The following SCUBE3 variants were observed in gnomAD, a reference collection of about 807,000 sequenced individuals.
SCUBE3 encodes the protein signal peptide, CUB domain and EGF like domain containing 3.
Under a neutral mutation model 116.8 loss-of-function variants are expected in SCUBE3, and 33 were observed. That is an observed-to-expected ratio of 0.28 (90% CI 0.21 to 0.38). The LOEUF (loss-of-function observed/expected upper bound fraction) is 0.38, where lower values mean the gene tolerates loss of function less well. Among genes scored for constraint, SCUBE3 ranks in the 10% least tolerant of loss-of-function variants. The probability of loss-of-function intolerance (pLI) is 1.00; values close to 1 mark genes in which losing one functional copy is unlikely to be tolerated. For missense variants in SCUBE3, 1,007 were observed against 1,324.8 expected (o/e 0.76, Z 3.72); for synonymous variants, 418 against 496.9 (o/e 0.84, Z 2.11).
Position 35,235,478 on chromosome 6 carries a change from C to T in SCUBE3, c.712+2177C>T. ...GCGGCTAGAGCAGCACATCCCCACT[C>T]AAGCCGTTTCTAATGGTAAATATGT... is the stretch of plus-strand genomic sequence containing the variant. On this transcript the variant is annotated intron_variant, in intron 6 of 21. Coordinates refer to ENST00000274938, the MANE Select transcript of SCUBE3 (RefSeq NM_152753.4). The surrounding 1 kb of genome is among the most constrained non-coding windows in gnomAD (Gnocchi z 4.5). 1.6e-6 allele frequency: 2 copies of T among 1,287,162 alleles called. No individual in the cohort carries two copies. Among genetic ancestry groups the T allele is most frequent in the Non-Finnish European group, 2.0e-6 (2 of 986,480 alleles). 79.7% of individuals were successfully genotyped at this position (1,287,162 alleles called of 1,614,324 possible).
In SCUBE3 at chr6:35,248,945, G is replaced by A. The variant is rs1031593773; in HGVS notation, c.*240G>A. 18 of 532,706 alleles carry A rather than the reference G, an allele frequency of 3.4e-5. 1 individual carries two copies. Among genetic ancestry groups the A allele is most frequent in the Non-Finnish European group, 6.0e-5 (18 of 299,962 alleles). 33.0% of individuals were successfully genotyped at this position (532,706 alleles called of 1,614,324 possible). The stretch of plus-strand genomic sequence containing the variant: ...ACACACTACCTAGAAAAGCCATTCA[G>A]TACTGGCTCTAGTCCCCGTGAGATG... On this transcript the variant is annotated 3_prime_UTR_variant, in exon 22 of 22. Coordinates refer to ENST00000274938, the MANE Select transcript of SCUBE3 (RefSeq NM_152753.4).
rs1257243507 is a variant in SCUBE3, at chr6:35,245,434, C to T, written c.2599+9C>T. 1 of 1,612,490 alleles carries T rather than the reference C, an allele frequency of 6.2e-7. No individual in the cohort carries two copies. The highest frequency in any genetic ancestry group is 1.3e-5 in the African/African-American group (1 of 74,858). ...CGTCATGAGAAAGAACTGTGGGTGG[C>T]TTGCAGAGCTGGGCCAGGGAAGGGC... is the stretch of plus-strand genomic sequence containing the variant. On this transcript the variant is annotated intron_variant, in intron 19 of 21. Coordinates refer to ENST00000274938, the MANE Select transcript of SCUBE3 (RefSeq NM_152753.4). This position sits in a 1 kb window ranked among gnomAD's most constrained non-coding sequence, Gnocchi z 4.2.
Position 35,241,053 on chromosome 6 carries a change from C to CT in SCUBE3, c.1070-87dup. On this transcript the variant is annotated intron_variant, in intron 9 of 21. Coordinates refer to ENST00000274938, the MANE Select transcript of SCUBE3 (RefSeq NM_152753.4). The surrounding 1 kb of genome is among the most constrained non-coding windows in gnomAD (Gnocchi z 4.1). ...TGCGTAATGCAGGGTACCTGAAACT[C>CT]TAACCAAAGGCCCTCACTCACTGCC... 1 of 1,344,226 alleles carries CT rather than the reference C, an allele frequency of 7.4e-7. No individual in the cohort carries two copies. Among genetic ancestry groups the CT allele is most frequent in the Non-Finnish European group, 1.0e-6 (1 of 972,518 alleles). 83.3% of individuals were successfully genotyped at this position (1,344,226 alleles called of 1,614,324 possible). A position where few individuals can be genotyped will look rare whatever the true frequency, so the allele number is the denominator to read the frequency against.
rs558108069 is a variant in SCUBE3 at position 35,230,500 on chromosome 6, G to T, written c.335-1225G>T. On this transcript the variant is annotated intron_variant, in intron 3 of 21. Transcript: ENST00000274938. ...CTCTGGGCCTTAGCTTCCCCACTGA[G>T]AATTGGAGGAAAGAGCTTGGCTAGA... is the stretch of plus-strand genomic sequence containing the variant. Among the ~76,000 whole-genome samples the T allele has an allele frequency of 7.4e-4, 113 of 152,316 alleles. 2 individuals carry two copies. Among genetic ancestry groups the T allele is most frequent in the Non-Finnish European group, 1.2e-3 (84 of 68,034 alleles).
intron 12 of SCUBE3, 94 bp downstream of exon 12, chr6:35,242,004 C>G: frequency 1.0e-6 from 1 of 987,976 alleles, no homozygotes. Flanking sequence ...TTCCTTTCTC[C>G]TGGATCCTCT....
In SCUBE3 at chr6:35,243,358, C is replaced by T; in HGVS notation, c.1909+122C>T. The stretch of plus-strand genomic sequence containing the variant: ...TTATGAGGCAGCCAGGATGCTCCTG[C>T]CCGCTGTCCTCCCTTCCTTGGTTCC... On this transcript the variant is annotated intron_variant, in intron 15 of 21. Transcript: ENST00000274938. The surrounding 1 kb of genome is among the most constrained non-coding windows in gnomAD (Gnocchi z 6.6). 1.1e-6 allele frequency: 1 copy of T among 922,270 alleles called. No individual in the cohort carries two copies. 57.1% of individuals were successfully genotyped at this position (922,270 alleles called of 1,614,324 possible).
intron 3 of SCUBE3, among the ~76,000 whole-genome samples, chr6:35,229,619 A>G (rs942817905): frequency 6.6e-6 from 1 of 152,120 alleles, no homozygotes; most frequent in Admixed American, 6.5e-5. Context: ...TTCTTCCTGC[A>G]ATCTCCAGTC....
At chr6:35,215,429 T>TC (rs1782846798) in intron 1 of SCUBE3, among the ~76,000 whole-genome samples, 1 of 151,918 alleles carries the variant, frequency 6.6e-6, no homozygotes, top group Non-Finnish European at 1.5e-5. Context: ...GCTGTACCCC[T>TC]CCCCCATCGT....
Position 35,244,232 on chromosome 6 carries a change from A to G in SCUBE3, c.2239+102A>G. 1 of 1,041,774 alleles carries G rather than the reference A, an allele frequency of 9.6e-7. No homozygotes were observed. Among genetic ancestry groups the G allele is most frequent in the East Asian group, 2.6e-5 (1 of 38,362 alleles). The allele number at this position is 1,041,774 out of a possible 1,614,324, so 64.5% of individuals were successfully genotyped here. On this transcript the variant is annotated intron_variant, in intron 17 of 21. Coordinates refer to ENST00000274938, the MANE Select transcript of SCUBE3 (RefSeq NM_152753.4). The surrounding 1 kb of genome is among the most constrained non-coding windows in gnomAD (Gnocchi z 4.3). The stretch of plus-strand genomic sequence containing the variant: ...GGACACTGACCCACCATTTTCTCCA[A>G]ACCAGTAATGGGCCCAGCTACTTGA...
At position 35,243,268 on chromosome 6, in the gene SCUBE3, G is replaced by C. The variant is rs1487451534; in HGVS notation, c.1909+32G>C. The C allele has an allele frequency of 1.3e-6, 2 of 1,582,182 alleles. No individual in the cohort carries two copies. Among genetic ancestry groups the C allele is most frequent in the African/African-American group, 1.3e-5 (1 of 74,402 alleles). On this transcript the variant is annotated intron_variant, in intron 15 of 21. Transcript: ENST00000274938. This position sits in a 1 kb window ranked among gnomAD's most constrained non-coding sequence, Gnocchi z 6.6. ...GAGCTTACTGGGGAGCAGGGATGTA[G>C]GAAAGACCCAGTTTGGGCCTGACTC...
Position 35,214,611 on chromosome 6 carries a change from C to T in SCUBE3, c.85+108C>T, listed in dbSNP as rs1292032692. 1.4e-4 allele frequency: 90 copies of T among 639,000 alleles called. 1 individual carries two copies. The East Asian group carries it at 3.1e-3, about 22-fold the overall frequency. 39.6% of individuals were successfully genotyped at this position (639,000 alleles called of 1,614,324 possible). Reference sequence around the variant, plus strand: ...CAGGTGCTGGGGAGCGTGCTGCTGTCAGAACCCGGCTCTGTGCACCCGGAC... The same window carrying T: ...CAGGTGCTGGGGAGCGTGCTGCTGTTAGAACCCGGCTCTGTGCACCCGGAC... On this transcript the variant is annotated intron_variant, in intron 1 of 21. Transcript: ENST00000274938. The surrounding 1 kb of genome is among the most constrained non-coding windows in gnomAD (Gnocchi z 6.3).
At position 35,244,881 on chromosome 6, in the gene SCUBE3, G is replaced by A. The variant is rs1784263111; in HGVS notation, c.2401+70G>A. 2 of 1,490,310 alleles carry A rather than the reference G, an allele frequency of 1.3e-6. No homozygotes were observed. The highest frequency in any genetic ancestry group is 1.9e-6 in the Non-Finnish European group (2 of 1,074,710). 92.3% of individuals were successfully genotyped at this position (1,490,310 alleles called of 1,614,324 possible). ...GGAGCAGTGGACATCTAAAGGAGGG[G>A]TGTGAAACCAACAGGGAGCAGGGCT... On this transcript the variant is annotated intron_variant, in intron 18 of 21. Transcript: ENST00000274938. This position sits in a 1 kb window ranked among gnomAD's most constrained non-coding sequence, Gnocchi z 4.3.
At position 35,245,018 on chromosome 6, in the gene SCUBE3, T is replaced by C. The variant is rs1184677130; in HGVS notation, c.2401+207T>C. 6.6e-6 allele frequency among the ~76,000 whole-genome samples: 1 copy of C among 151,998 alleles called. No homozygotes were observed. The highest frequency in any genetic ancestry group is 1.5e-5 in the Non-Finnish European group (1 of 67,980). On this transcript the variant is annotated intron_variant, in intron 18 of 21. Transcript: ENST00000274938. This position sits in a 1 kb window ranked among gnomAD's most constrained non-coding sequence, Gnocchi z 4.2. ...ACACCCTCTCCCTGGAGACAGTTAA[T>C]GAGGAAGCAGAGACAGGTGAAGTGA...
At chr6:35,236,606 A>C (rs1783784874) in intron 6 of SCUBE3, among the ~76,000 whole-genome samples, 1 of 152,186 alleles carries the variant, frequency 6.6e-6, no homozygotes, top group Non-Finnish European at 1.5e-5. Flanking sequence ...CATTTGAGGG[A>C]CCAGGGCATG....
chr6:35,220,409 A>G (rs549809247), intron 1 of SCUBE3: 53 of 152,218 alleles, frequency 3.5e-4, no homozygotes, highest in African/African-American at 1.3e-3. Context: ...AATTAAAGAG[A>G]TAATATTACT....
Position 35,244,154 on chromosome 6 carries a change from G to A in SCUBE3, c.2239+24G>A. Reference sequence around the variant, plus strand: ...AGGTGAGTAAGCTACTCACCTCCCTGGGGGATGCCCCAACCCCAACTACTC... The same window carrying A: ...AGGTGAGTAAGCTACTCACCTCCCTAGGGGATGCCCCAACCCCAACTACTC... On this transcript the variant is annotated intron_variant, in intron 17 of 21. Coordinates refer to ENST00000274938, the MANE Select transcript of SCUBE3 (RefSeq NM_152753.4). This position sits in a 1 kb window ranked among gnomAD's most constrained non-coding sequence, Gnocchi z 4.3. The A allele has an allele frequency of 1.9e-6, 3 of 1,600,420 alleles. No homozygotes were observed. The South Asian group carries it at 3.3e-5, about 18-fold the overall frequency.
chr6:35,225,900 A>C (rs1004676951), intron 1 of SCUBE3, among the ~76,000 whole-genome samples: 2 of 152,204 alleles, frequency 1.3e-5, no homozygotes, highest in Non-Finnish European at 2.9e-5. Flanking sequence ...TGGCCCATAG[A>C]TCACACTTGG....
In SCUBE3 at chr6:35,243,116, C is replaced by T; in HGVS notation, c.1789C>T (p.Leu597=). 6.2e-7 allele frequency: 1 copy of T among 1,614,202 alleles called. No homozygotes were observed. The highest frequency in any genetic ancestry group is 8.5e-7 in the Non-Finnish European group (1 of 1,180,014). The change falls in exon 15 of 22, where the codon CTG becomes TTG. Residue 597 remains leucine (L), a synonymous_variant. Transcript: ENST00000274938. This position sits in a 1 kb window ranked among gnomAD's most constrained non-coding sequence, Gnocchi z 6.6. ...LRKSINQDRF[L]LRLAGLDYEL... ...AAAGTCCATCAACCAGGACCGCTTC[C>T]TGCTGCGCCTGGCAGGCCTTGATTA...
Position 35,241,383 on chromosome 6 carries a change from T to C in SCUBE3, c.1195+117T>C. 1 of 1,280,784 alleles carries C rather than the reference T, an allele frequency of 7.8e-7. No individual in the cohort carries two copies. Among genetic ancestry groups the C allele is most frequent in the East Asian group, 2.3e-5 (1 of 42,892 alleles). The allele number at this position is 1,280,784 out of a possible 1,614,324, so 79.3% of individuals were successfully genotyped here. On this transcript the variant is annotated intron_variant, in intron 10 of 21. Coordinates refer to ENST00000274938, the MANE Select transcript of SCUBE3 (RefSeq NM_152753.4). The surrounding 1 kb of genome is among the most constrained non-coding windows in gnomAD (Gnocchi z 4.1). ...GGTGTGAGGTGGAAAGGGTGGAGAATGTAGCCATTTTGAGTTAAAGACATG... is the reference window on the plus strand; with the variant it reads ...GGTGTGAGGTGGAAAGGGTGGAGAACGTAGCCATTTTGAGTTAAAGACATG...
Sources: allele counts gnomAD v4.1 joint callset (sites outside exome capture counted in the v4.1 genomes callset), GRCh38; gene constraint gnomAD v4.1.1; non-coding constraint Gnocchi (gnomAD v3.1); transcripts MANE v1.5; gene names NCBI Gene and HGNC (gene_info 2026-07-23, HGNC 2026-07-21).